Variants in ASAP1 observed in about 807,000 individuals in gnomAD.
ASAP1 encodes arf-GAP with SH3 domain, ANK repeat and PH domain-containing protein 1.
Under a neutral mutation model 145.2 loss-of-function variants are expected in ASAP1, and 43 were observed. The ratio of observed to expected loss-of-function variants is 0.30; its 90% CI spans 0.23 to 0.38. ASAP1 has a LOEUF of 0.38. Among genes scored for constraint, ASAP1 ranks in the 10% least tolerant of loss-of-function variants. The pLI, the probability that ASAP1 is intolerant of heterozygous loss-of-function variation, is 1.00. For missense variants in ASAP1, 1,018 were observed against 1,355.3 expected, an observed-to-expected ratio of 0.75 and a Z score of 3.91; for synonymous variants, 546 against 515.5, an observed-to-expected ratio of 1.06 and a Z score of -0.80.
At position 130,093,741 on chromosome 8, in the gene ASAP1, C is replaced by A. The variant is rs182145698; in HGVS notation, c.2402-1598G>T. On this transcript the variant is annotated intron_variant, in intron 24 of 29. Coordinates refer to ENST00000518721, the MANE Select transcript of ASAP1 (RefSeq NM_018482.4). ...ATGTTTAACACAGATTAGTAGATACCTAGTAATCCAGAAGGGCTCCAAAAG... is the reference window on the plus strand; with the variant it reads ...ATGTTTAACACAGATTAGTAGATACATAGTAATCCAGAAGGGCTCCAAAAG... 3.9e-4 allele frequency among the ~76,000 whole-genome samples: 59 copies of A among 149,390 alleles called. 1 individual carries two copies. Among genetic ancestry groups the A allele is most frequent in the African/African-American group, 1.5e-3 (59 of 40,570 alleles).
At chr8:130,275,560 G>C (rs1010209454) in intron 3 of ASAP1, among the ~76,000 whole-genome samples, 1 of 151,960 alleles carries the variant, frequency 6.6e-6, no homozygotes, top group South Asian at 2.1e-4. Flanking sequence ...AAGTGAAAAG[G>C]GTTTTAAAGG....
At chr8:130,344,681 T>C (rs78509390) in intron 3 of ASAP1, among the ~76,000 whole-genome samples, 3,117 of 152,234 alleles carry the variant, frequency 0.02, 49 homozygotes, top group East Asian at 0.064. Context: ...CTGCAGTAAG[T>C]AAGCATGATT....
chr8:130,098,684 T>C (rs934605013), intron 24 of ASAP1, among the ~76,000 whole-genome samples: 3 of 152,178 alleles, frequency 2.0e-5, no homozygotes, highest in Non-Finnish European at 2.9e-5. Flanking sequence ...TACATATTTA[T>C]AGGATACATA....
rs577955671 is a variant in ASAP1 at position 130,357,939 on chromosome 8, C to T, written c.186+78G>A. 5 of 1,511,072 alleles carry T rather than the reference C, an allele frequency of 3.3e-6. No individual in the cohort carries two copies. In the South Asian group the frequency reaches 3.6e-5, roughly 11 times the overall value. The allele number at this position is 1,511,072 out of a possible 1,614,324, so 93.6% of individuals were successfully genotyped here. A position where few individuals can be genotyped will look rare whatever the true frequency, so the allele number is the denominator to read the frequency against. ...CCCCCGGCCCCCGCGTCCCCTTCCTCCCAGCTCGGAGAGGAGATCCTCCAG... is the reference window on the plus strand; with the variant it reads ...CCCCCGGCCCCCGCGTCCCCTTCCTTCCAGCTCGGAGAGGAGATCCTCCAG... On this transcript the variant is annotated intron_variant, in intron 3 of 29. Coordinates refer to ENST00000518721, the MANE Select transcript of ASAP1 (RefSeq NM_018482.4).
At chr8:130,097,366 C>T (rs1382533213) in intron 24 of ASAP1, among the ~76,000 whole-genome samples, 5 of 151,974 alleles carry the variant, frequency 3.3e-5, no homozygotes, top group Admixed American at 1.3e-4. Flanking sequence ...TGTTCTTCAC[C>T]GTCCTCCCTT....
chr8:130,297,559 C>T (rs996509654), intron 3 of ASAP1, among the ~76,000 whole-genome samples: 1 of 152,220 alleles, frequency 6.6e-6, no homozygotes, highest in African/African-American at 2.4e-5. Flanking sequence ...CAGGCTTCCA[C>T]CTGCTGGCCT....
intron 3 of ASAP1, among the ~76,000 whole-genome samples, chr8:130,266,139 A>T (rs546601816): frequency 1.4e-4 from 21 of 152,168 alleles, no homozygotes; most frequent in African/African-American, 4.3e-4. Flanking sequence ...TACAATCTCA[A>T]TGAAAGGTGA....
intron 3 of ASAP1, among the ~76,000 whole-genome samples, chr8:130,311,735 T>C (rs897014927): frequency 8.7e-6 from 1 of 114,938 alleles, no homozygotes; most frequent in African/African-American, 3.5e-5. Context: ...CACTCCAGCC[T>C]GGGCAACAAG....
At chr8:130,165,836 T>C (rs1394858059) in intron 11 of ASAP1, among the ~76,000 whole-genome samples, 2 of 152,228 alleles carry the variant, frequency 1.3e-5, no homozygotes, top group Non-Finnish European at 2.9e-5. Flanking sequence ...TTTAAAAGAT[T>C]AGTGTCACTA....
At chr8:130,387,802 A>G (rs1322448851) in intron 2 of ASAP1, among the ~76,000 whole-genome samples, 1 of 152,202 alleles carries the variant, frequency 6.6e-6, no homozygotes, top group East Asian at 1.9e-4. Context: ...AGCAGCAGCC[A>G]TTGATTTTAT....
intron 3 of ASAP1, among the ~76,000 whole-genome samples, chr8:130,285,800 T>C (rs1821573171): frequency 6.6e-6 from 1 of 152,252 alleles, no homozygotes; most frequent in Non-Finnish European, 1.5e-5. Flanking sequence ...GTGGAAAGTT[T>C]TCCGCCTCTG....
At chr8:130,055,274 G>A (rs2097401233) in intron 29 of ASAP1, among the ~76,000 whole-genome samples, 1 of 149,444 alleles carries the variant, frequency 6.7e-6, no homozygotes, top group South Asian at 2.1e-4. Context: ...TTCTCTCCAG[G>A]CTTGTGTGAT....
At chr8:130,267,130 AAAAC>A (rs1586718926) in intron 3 of ASAP1, among the ~76,000 whole-genome samples, 1 of 150,882 alleles carries the variant, frequency 6.6e-6, no homozygotes, top group East Asian at 2.1e-4. Flanking sequence ...AAACAAAAAA[AAAAC>A]AAAACAAAAA....
intron 3 of ASAP1, among the ~76,000 whole-genome samples, chr8:130,254,101 A>G (rs1819370534): frequency 6.6e-6 from 1 of 152,236 alleles, no homozygotes; most frequent in African/African-American, 2.4e-5. Flanking sequence ...ACTGCCATCC[A>G]TGCTTATAAG....
intron 11 of ASAP1, among the ~76,000 whole-genome samples, chr8:130,164,326 T>G (rs1324836672): frequency 1.3e-5 from 2 of 152,248 alleles, no homozygotes; most frequent in Non-Finnish European, 2.9e-5. Context: ...AGCTCATGCC[T>G]GTAATCCCAG....
intron 5 of ASAP1, among the ~76,000 whole-genome samples, chr8:130,189,056 T>C (rs148028509): frequency 1.3e-5 from 2 of 152,350 alleles, no homozygotes; most frequent in Middle Eastern, 3.4e-3. Context: ...TACATAATAG[T>C]TGTATTTATG....
intron 3 of ASAP1, among the ~76,000 whole-genome samples, chr8:130,345,379 C>A (rs188684252): frequency 6.6e-6 from 1 of 152,168 alleles, no homozygotes; most frequent in Admixed American, 6.5e-5. Context: ...AATGCCTCCC[C>A]GTCAACTCGA....
At chr8:130,418,073 A>G (rs75972641) in intron 1 of ASAP1, among the ~76,000 whole-genome samples, 2,951 of 152,370 alleles carry the variant, frequency 0.019, 107 homozygotes, top group African/African-American at 0.068. Context: ...CAAGGCCACA[A>G]GGACAGAAGA....
chr8:130,057,934 G>A lies in ASAP1; in HGVS notation c.3315+20C>T. The A allele has an allele frequency of 6.2e-7, 1 of 1,612,972 alleles. No homozygotes were observed. Among genetic ancestry groups the A allele is most frequent in the Non-Finnish European group, 8.5e-7 (1 of 1,178,958 alleles). On this transcript the variant is annotated intron_variant, in intron 29 of 29. Transcript: ENST00000518721. The stretch of plus-strand genomic sequence containing the variant: ...TGCTGTATGAATGTACGGATGAAGT[G>A]GATGGATATTCGTACGTACCCACCA...
Sources: allele counts gnomAD v4.1 joint callset (sites outside exome capture counted in the v4.1 genomes callset), GRCh38; gene constraint gnomAD v4.1.1; transcripts MANE v1.5; gene names NCBI Gene and HGNC (gene_info 2026-07-23, HGNC 2026-07-21).